FAM107B: variants seen among roughly 807,000 people sequenced by gnomAD.
FAM107B encodes protein FAM107B.
Under a neutral mutation model 31.5 loss-of-function variants are expected in FAM107B, and 21 were observed. The observed-to-expected ratio is 0.67, with a 90% CI of 0.47 to 0.96. FAM107B has a LOEUF of 0.96. Ranked by LOEUF, FAM107B falls within the 40% of genes least tolerant of loss-of-function variation. The pLI is 0.00. For synonymous variants in FAM107B, 157 were observed against 141.5 expected, an observed-to-expected ratio of 1.11 and a Z score of -0.78; for missense variants, 452 against 377.1, an observed-to-expected ratio of 1.20 and a Z score of -1.64.
At chr10:14,708,008 C>T (rs1360669594) in intron 1 of FAM107B, among the ~76,000 whole-genome samples, 1 of 152,122 alleles carries the variant, frequency 6.6e-6, no homozygotes, top group Non-Finnish European at 1.5e-5. Flanking sequence ...ACAATTATGT[C>T]CAACCCAGAG....
intron 1 of FAM107B, among the ~76,000 whole-genome samples, chr10:14,673,265 A>G (rs918254995): frequency 1.3e-5 from 2 of 152,142 alleles, no homozygotes; most frequent in Non-Finnish European, 1.5e-5. Context: ...TGTACTCATT[A>G]ACCAACCTCT....
At chr10:14,548,011 A>G (rs10906694) in intron 2 of FAM107B, among the ~76,000 whole-genome samples, 121,796 of 152,130 alleles carry the variant, frequency 0.8, 49,308 homozygotes, top group East Asian at 0.89. Context: ...CTCTCTTCAG[A>G]CCACCTGGTG....
In FAM107B at chr10:14,530,477, GAT is replaced by G; in HGVS notation, c.506_507del (p.Tyr169SerfsTer16). Reference protein sequence around the residue: ...PPEDIDHKDSYLITRSIMAEP... With the variant: ...PPEDIDHKDSXLITRSIMAEP... ...TCGGCCATGATGCTTCTTGTAATGA[GAT>G]ATGAGTCCTTATGGTCAATATCCTC... On this transcript the variant is annotated frameshift_variant, in exon 3 of 5. Transcript: ENST00000181796. LOFTEE classifies it high-confidence loss of function. 2 of 1,613,962 alleles carry G rather than the reference GAT, an allele frequency of 1.2e-6. No individual in the cohort carries two copies. The highest frequency in any genetic ancestry group is 1.7e-6 in the Non-Finnish European group (2 of 1,180,022).
chr10:14,545,608 C>G (rs1848623174), intron 2 of FAM107B, among the ~76,000 whole-genome samples: 1 of 152,196 alleles, frequency 6.6e-6, no homozygotes, highest in African/African-American at 2.4e-5. Context: ...ATGTGGCAAT[C>G]CCATGCACAG....
At chr10:14,619,299 G>A (rs773004311) in intron 2 of FAM107B, among the ~76,000 whole-genome samples, 12 of 152,178 alleles carry the variant, frequency 7.9e-5, no homozygotes, top group Non-Finnish European at 1.5e-4. Flanking sequence ...TGCCCATATT[G>A]ACGTTCCCAC....
At position 14,558,284 on chromosome 10, in the gene FAM107B, C is replaced by T. The variant is rs1028392300; in HGVS notation, c.470-27769G>A. Among the ~76,000 whole-genome samples the T allele has an allele frequency of 2.0e-5, 3 of 149,014 alleles. No homozygotes were observed. In the East Asian group the frequency reaches 5.8e-4, roughly 29 times the overall value. On this transcript the variant is annotated intron_variant, in intron 2 of 4. Coordinates refer to ENST00000181796, the MANE Select transcript of FAM107B (RefSeq NM_031453.4). ...ACAGTCACACATACGTGCACGCACA[C>T]ACACACATACACGCACACACGCACA...
intron 1 of FAM107B, among the ~76,000 whole-genome samples, chr10:14,740,977 T>C (rs931241058): frequency 4.6e-5 from 7 of 152,190 alleles, no homozygotes; most frequent in Admixed American, 6.5e-5. Flanking sequence ...TAAATCCAGT[T>C]TGGCGGCCAG....
chr10:14,547,749 A>G (rs756265200), intron 2 of FAM107B, among the ~76,000 whole-genome samples: 4 of 152,248 alleles, frequency 2.6e-5, no homozygotes, highest in Non-Finnish European at 5.9e-5. Flanking sequence ...CTTAAAAAGA[A>G]AAAAGAGACC....
chr10:14,583,612 C>T (rs906649029), intron 2 of FAM107B, among the ~76,000 whole-genome samples: 1 of 152,064 alleles, frequency 6.6e-6, no homozygotes, highest in Non-Finnish European at 1.5e-5. Context: ...ATCACCCCAC[C>T]CCAGTCCTAA....
intron 1 of FAM107B, among the ~76,000 whole-genome samples, chr10:14,702,019 T>C (rs943970307): frequency 6.6e-6 from 1 of 152,238 alleles, no homozygotes; most frequent in Non-Finnish European, 1.5e-5. Flanking sequence ...AAAAAACATA[T>C]TGCAGAAATA....
rs1241041990 is a variant in FAM107B, at chr10:14,604,096, G to A, written c.469+63538C>T. ...GACCCGTGGTCCCCGTACGCCCGCT[G>A]CCCTCCCGCGCACGGGGACCCCCCA... is the stretch of plus-strand genomic sequence containing the variant. On this transcript the variant is annotated intron_variant, in intron 2 of 4. Transcript: ENST00000181796. The A allele has an allele frequency of 6.6e-4, 275 of 415,988 alleles. 1 individual carries two copies. The highest frequency in any genetic ancestry group is 2.1e-3 in the Admixed American group (32 of 15,042). The allele number at this position is 415,988 out of a possible 1,614,324, so 25.8% of individuals were successfully genotyped here.
At chr10:14,586,081 T>C (rs1446988342) in intron 2 of FAM107B, among the ~76,000 whole-genome samples, 1 of 152,116 alleles carries the variant, frequency 6.6e-6, no homozygotes, top group African/African-American at 2.4e-5. Flanking sequence ...AGCAACAAAA[T>C]ACCTGGGCAA....
At chr10:14,677,852 C>T (rs969991372) in intron 1 of FAM107B, among the ~76,000 whole-genome samples, 34 of 152,308 alleles carry the variant, frequency 2.2e-4, no homozygotes, top group African/African-American at 7.9e-4. Context: ...TTTCAACAAG[C>T]TCTTTGGATG....
intron 1 of FAM107B, among the ~76,000 whole-genome samples, chr10:14,725,027 T>C (rs1855999070): frequency 6.6e-6 from 1 of 152,158 alleles, no homozygotes; most frequent in Admixed American, 6.5e-5. Context: ...AATAGAAACA[T>C]ATGATTTAGA....
intron 1 of FAM107B, among the ~76,000 whole-genome samples, chr10:14,705,930 C>A (rs796832495): frequency 9.9e-5 from 15 of 152,228 alleles, no homozygotes; most frequent in African/African-American, 3.4e-4. Flanking sequence ...GTTTCAGGAC[C>A]CAACCGGCAG....
intron 2 of FAM107B, among the ~76,000 whole-genome samples, chr10:14,575,316 G>A (rs930017791): frequency 2.0e-5 from 3 of 151,876 alleles, no homozygotes; most frequent in African/African-American, 7.3e-5. Flanking sequence ...CGATTCTCCT[G>A]CCTCAGCCTC....
intron 1 of FAM107B, among the ~76,000 whole-genome samples, chr10:14,764,134 C>G (rs80300159): frequency 0.083 from 12,682 of 152,322 alleles, 557 homozygotes; most frequent in South Asian, 0.1. Context: ...TTCATATAAA[C>G]AGTTTGCACT....
chr10:14,525,788 T>C (rs539984955), intron 3 of FAM107B, among the ~76,000 whole-genome samples: 6 of 152,344 alleles, frequency 3.9e-5, no homozygotes, highest in South Asian at 4.1e-4. Context: ...GCTAGATTCA[T>C]AGAAGCGGAG....
intron 2 of FAM107B, among the ~76,000 whole-genome samples, chr10:14,573,925 A>G (rs957435995): frequency 2.9e-5 from 4 of 138,786 alleles, no homozygotes; most frequent in Admixed American, 7.3e-5. Flanking sequence ...ACAAAAAAAA[A>G]AAACCACCCT....
Sources: gnomAD v4.1 joint callset for allele counts (sites outside exome capture counted in the v4.1 genomes callset) on GRCh38, gnomAD v4.1.1 for gene constraint, MANE v1.5 for transcripts, NCBI Gene and HGNC (gene_info 2026-07-23, HGNC 2026-07-21) for gene names.